The following GAPVD1 variants were observed in gnomAD, a reference collection of about 807,000 sequenced individuals.
GAPVD1 encodes GTPase-activating protein and VPS9 domain-containing protein 1.
In GAPVD1, 35 loss-of-function variants were observed where a neutral mutation model predicts 155.5. The ratio of observed to expected loss-of-function variants is 0.23; its 90% CI spans 0.17 to 0.30. GAPVD1 has a LOEUF of 0.30. Among genes scored for constraint, GAPVD1 ranks in the 10% least tolerant of loss-of-function variants. The pLI is 1.00. For missense variants in GAPVD1, 1,429 were observed against 1,775.7 expected (o/e 0.80, Z 3.51); for synonymous variants, 636 against 619.7 (o/e 1.03, Z -0.39).
At chr9:125,319,137 T>C (rs1843893390) in intron 9 of GAPVD1, among the ~76,000 whole-genome samples, 1 of 151,712 alleles carries the variant, frequency 6.6e-6, no homozygotes, top group Admixed American at 6.6e-5. Context: ...GATCATGCCA[T>C]TGCACTCCAG....
At chr9:125,323,252 A>G (rs1284779221) in intron 10 of GAPVD1, among the ~76,000 whole-genome samples, 3 of 150,664 alleles carry the variant, frequency 2.0e-5, no homozygotes, top group East Asian at 2.0e-4. Context: ...GATTACAGGC[A>G]TGTGCCATCA....
At chr9:125,313,924 T>C (rs925109069) in intron 9 of GAPVD1, among the ~76,000 whole-genome samples, 1 of 152,208 alleles carries the variant, frequency 6.6e-6, no homozygotes, top group African/African-American at 2.4e-5. Flanking sequence ...CTTAATTCTT[T>C]GTTATCTTCA....
chr9:125,307,443 A>G lies in GAPVD1; in HGVS notation c.1147A>G (p.Ile383Val). The G allele has an allele frequency of 1.2e-6, 2 of 1,610,068 alleles. No homozygotes were observed. The highest frequency in any genetic ancestry group is 1.7e-6 in the Non-Finnish European group (2 of 1,178,194). ...TGTTGCCGCTTTCCTTGATGTTGTG[A>G]TTGGGGGCCGTGCAGTGGAGACCCC... is the stretch of plus-strand genomic sequence containing the variant. The part of the protein sequence containing the change: ...SCVAAFLDVV[I>V]GGRAVETPPL... The change falls in exon 7 of 28, where the codon ATT becomes GTT. Residue 383 changes from isoleucine (I) to valine (V), a missense_variant. By Grantham distance (29) the Ile-to-Val change is conservative. Transcript: ENST00000297933.
chr9:125,356,922 G>A (rs139725849), intron 25 of GAPVD1, among the ~76,000 whole-genome samples: 2 of 152,178 alleles, frequency 1.3e-5, no homozygotes, highest in East Asian at 1.9e-4. Flanking sequence ...TGATCCGCTC[G>A]TCTTGGCCTC....
At chr9:125,285,208 T>C (rs537109105) in intron 2 of GAPVD1, among the ~76,000 whole-genome samples, 1 of 152,294 alleles carries the variant, frequency 6.6e-6, no homozygotes, top group East Asian at 1.9e-4. Flanking sequence ...TGAGTATGGC[T>C]TCATTCCAAT....
chr9:125,306,058 A>ACATT (rs777618582), intron 6 of GAPVD1, among the ~76,000 whole-genome samples: 1 of 152,248 alleles, frequency 6.6e-6, no homozygotes. Context: ...ATTAAGCTGT[A>ACATT]CATTCAACCA....
chr9:125,354,586 A>C, intron 23 of GAPVD1, 68 bp from the exon 24 acceptor site: 1 of 1,020,264 alleles, frequency 9.8e-7, no homozygotes, highest in Non-Finnish European at 1.5e-6. Context: ...AAAAGTTAGG[A>C]CCCTTATTCT....
chr9:125,328,937 G>T (rs998162174), intron 12 of GAPVD1, among the ~76,000 whole-genome samples: 1 of 152,192 alleles, frequency 6.6e-6, no homozygotes, highest in South Asian at 2.1e-4. Context: ...GCTGGAGACC[G>T]CCCGGCCAAC....
chr9:125,295,990 A>G (rs1464376521), intron 3 of GAPVD1, among the ~76,000 whole-genome samples: 3 of 152,174 alleles, frequency 2.0e-5, no homozygotes. Context: ...TTTCTAAAGT[A>G]TTTTACCCCA....
intron 19 of GAPVD1, chr9:125,345,833 C>G (rs1391484416): frequency 6.6e-6 from 1 of 152,074 alleles, no homozygotes. Flanking sequence ...ACAACACACA[C>G]ACACAAAATA....
chr9:125,300,438 C>G (rs1181596966), intron 4 of GAPVD1, among the ~76,000 whole-genome samples: 1 of 151,784 alleles, frequency 6.6e-6, no homozygotes, highest in Non-Finnish European at 1.5e-5. Flanking sequence ...CTCGGCCTCC[C>G]AAAGTGCTGG....
At chr9:125,339,955 A>AT (rs1847601870) in intron 17 of GAPVD1, among the ~76,000 whole-genome samples, 1 of 152,284 alleles carries the variant, frequency 6.6e-6, no homozygotes, top group African/African-American at 2.4e-5. Flanking sequence ...AAATTAAGTG[A>AT]TTTGTCCATG....
In GAPVD1 at chr9:125,304,957, A is replaced by G. The variant is rs569438475; in HGVS notation, c.1030-106A>G. 4 of 714,058 alleles carry G rather than the reference A, an allele frequency of 5.6e-6. No homozygotes were observed. The East Asian group carries it at 1.0e-4, about 18-fold the overall frequency. The allele number at this position is 714,058 out of a possible 1,614,324, so 44.2% of individuals were successfully genotyped here. On this transcript the variant is annotated intron_variant, in intron 5 of 27. Coordinates refer to ENST00000297933, the MANE Select transcript of GAPVD1 (RefSeq NM_001282680.3). ...CTGGTCAGGTGATATGAATAGTATT[A>G]TGAAACAGATTTTTAGAACAGAATA...
At chr9:125,354,938 T>C in intron 24 of GAPVD1, 97 bp downstream of exon 24, 1 of 784,884 alleles carries the variant, frequency 1.3e-6, no homozygotes, top group Non-Finnish European at 2.1e-6. Flanking sequence ...TTCAAGTATC[T>C]GCATGCCTTA....
At chr9:125,361,652 A>G (rs1404231277) in intron 27 of GAPVD1, among the ~76,000 whole-genome samples, 2 of 152,188 alleles carry the variant, frequency 1.3e-5, no homozygotes, top group East Asian at 3.8e-4. Flanking sequence ...TCCTTGCAGT[A>G]CTTGTCATAT....
intron 3 of GAPVD1, among the ~76,000 whole-genome samples, chr9:125,298,615 A>C (rs1445963752): frequency 6.8e-6 from 1 of 148,034 alleles, no homozygotes; most frequent in Non-Finnish European, 1.5e-5. Flanking sequence ...CAGCCTTCTG[A>C]GTAGCCGGGA....
chr9:125,328,840 C>G (rs1206598945), intron 12 of GAPVD1, among the ~76,000 whole-genome samples: 3 of 152,008 alleles, frequency 2.0e-5, no homozygotes, highest in Non-Finnish European at 4.4e-5. Flanking sequence ...CTGACCCCCC[C>G]CCCACCTCCC....
intron 8 of GAPVD1, chr9:125,310,093 T>G (rs1842446791): frequency 4.0e-6 from 1 of 247,946 alleles, no homozygotes; most frequent in African/African-American, 2.3e-5. Flanking sequence ...TGCATGTTGC[T>G]TTTACTTTAT....
chr9:125,299,154 C>G (rs766056333), intron 4 of GAPVD1, 48 bp downstream of exon 4: 1 of 980,588 alleles, frequency 1.0e-6, no homozygotes, highest in South Asian at 1.8e-5. Context: ...CACTATGATT[C>G]TGTAAATAAA....
Sources: gnomAD v4.1 joint callset for allele counts (sites outside exome capture counted in the v4.1 genomes callset) on GRCh38, gnomAD v4.1.1 for gene constraint, MANE v1.5 for transcripts, NCBI Gene and HGNC (gene_info 2026-07-23, HGNC 2026-07-21) for gene names.